Variants in RNF213 observed in about 807,000 individuals in gnomAD.
RNF213 encodes the protein E3 ubiquitin-protein ligase RNF213.
A neutral mutation model predicts 514.4 loss-of-function variants in RNF213; 341 were observed. The ratio of observed to expected loss-of-function variants is 0.66; its 90% CI spans 0.61 to 0.73. RNF213 has a LOEUF of 0.73. Ranked by LOEUF, RNF213 falls within the 30% of genes least tolerant of loss-of-function variation. The pLI is 0.00. For synonymous variants in RNF213, 2,655 were observed against 2,658.2 expected (o/e 1.00, Z 0.04); for missense variants, 5,767 against 6,615.6 (o/e 0.87, Z 4.45).
At chr17:80,379,527 C>A in intron 54 of RNF213, 93 bp from the exon 55 acceptor site, 2 of 1,184,164 alleles carry the variant, frequency 1.7e-6, no homozygotes, top group Admixed American at 3.4e-5. Flanking sequence ...CTCACGTCTG[C>A]CGGTGATAAG....
At chr17:80,291,083 A>G (rs899584684) in intron 7 of RNF213, among the ~76,000 whole-genome samples, 1 of 152,098 alleles carries the variant, frequency 6.6e-6, no homozygotes, top group African/African-American at 2.4e-5. Flanking sequence ...AAGTGCTGGG[A>G]TTACAGGCAT....
Position 80,354,750 on chromosome 17 carries a change from A to C in RNF213, c.10862+174A>C. 3 of 766,404 alleles carry C rather than the reference A, an allele frequency of 3.9e-6. No homozygotes were observed. The South Asian group carries it at 4.8e-5, about 12-fold the overall frequency. The allele number at this position is 766,404 out of a possible 1,614,324, so 47.5% of individuals were successfully genotyped here. A position where few individuals can be genotyped will look rare whatever the true frequency, so the allele number is the denominator to read the frequency against. ...CAAGAAGCACACAGTAGGTCTGGAC[A>C]GTGGCCAAATGGCAGGTGCTGGACT... On this transcript the variant is annotated intron_variant, in intron 36 of 67. Coordinates refer to ENST00000582970, the MANE Select transcript of RNF213 (RefSeq NM_001256071.3).
At chr17:80,273,162 C>T (rs186289981) in intron 2 of RNF213, 79 bp from the exon 3 acceptor site, 34 of 1,569,794 alleles carry the variant, frequency 2.2e-5, no homozygotes, top group Middle Eastern at 1.7e-4. Flanking sequence ...TCCATGCACT[C>T]GTGGGGAGGA....
chr17:80,287,599 C>T (rs1035431880), intron 3 of RNF213, among the ~76,000 whole-genome samples: 3 of 152,212 alleles, frequency 2.0e-5, no homozygotes, highest in Non-Finnish European at 4.4e-5. Flanking sequence ...CCGAGTGTGG[C>T]GAGCGCTTCA....
Position 80,309,134 on chromosome 17 carries a change from A to G in RNF213, c.2618A>G (p.Glu873Gly), listed in dbSNP as rs760507715. The change falls in exon 14 of 68, where the codon GAG (glutamate) becomes GGG (glycine). Residue 873 changes from glutamate (E) to glycine (G), a missense_variant. Transcript: ENST00000582970. ...KFYELPALSA[E>G]IVCRMIRLLS... ...TACGAGCTGCCAGCCTTATCTGCCG[A>G]GATTGTCTGCAGAATGATTAGACTT... 2 of 1,614,162 alleles carry G rather than the reference A, an allele frequency of 1.2e-6. No homozygotes were observed. The highest frequency in any genetic ancestry group is 1.7e-6 in the Non-Finnish European group (2 of 1,180,032).
chr17:80,389,949 G>C (rs1371437182), intron 66 of RNF213, 32 bp downstream of exon 66: 3 of 1,612,412 alleles, frequency 1.9e-6, no homozygotes, highest in African/African-American at 2.7e-5. Flanking sequence ...CTGCTGGACA[G>C]AGGGACTGCG....
chr17:80,353,364 T>C lies in RNF213; in HGVS notation c.10424-148T>C. ...CCTTGGGGGCTGATCTTCATGACCG[T>C]GATCTCTCATCTGGGGACCTAGCAC... On this transcript the variant is annotated intron_variant, in intron 33 of 67. Transcript: ENST00000582970. This position sits in a 1 kb window ranked among gnomAD's most constrained non-coding sequence, Gnocchi z 5.0. The C allele has an allele frequency of 1.1e-6, 1 of 951,988 alleles. No individual in the cohort carries two copies. Among genetic ancestry groups the C allele is most frequent in the Non-Finnish European group, 1.6e-6 (1 of 613,228 alleles). The allele number at this position is 951,988 out of a possible 1,614,324, so 59.0% of individuals were successfully genotyped here.
At chr17:80,388,533 C>T (rs1711825017) in intron 63 of RNF213, 79 bp from the exon 64 acceptor site, 1 of 990,322 alleles carries the variant, frequency 1.0e-6, no homozygotes, top group Non-Finnish European at 1.6e-6. Context: ...AGTTTTCCGG[C>T]TGCAGATTCT....
intron 12 of RNF213, 113 bp downstream of exon 12, chr17:80,306,581 G>T: frequency 2.7e-6 from 3 of 1,091,116 alleles, no homozygotes; most frequent in Admixed American, 4.0e-5. Context: ...GGCTGGGTGC[G>T]GTGGCTCACG....
chr17:80,273,923 A>G (rs1026728409), intron 3 of RNF213, among the ~76,000 whole-genome samples: 3 of 151,776 alleles, frequency 2.0e-5, no homozygotes, highest in Non-Finnish European at 4.4e-5. Context: ...CCCGGCCTCC[A>G]CCTTCCTTTT....
chr17:80,313,313 C>G, intron 15 of RNF213, 146 bp downstream of exon 15: 1 of 1,117,644 alleles, frequency 8.9e-7, no homozygotes, highest in African/African-American at 1.5e-5. Context: ...AATGGAGTTG[C>G]TCCTGTCTAC....
chr17:80,390,094 A>T lies in RNF213; in HGVS notation c.15368A>T (p.Gln5123Leu), dbSNP rs759686715. 3 of 1,614,214 alleles carry T rather than the reference A, an allele frequency of 1.9e-6. No individual in the cohort carries two copies. The highest frequency in any genetic ancestry group is 8.5e-7 in the Non-Finnish European group (1 of 1,180,044). ...NAKLLSTFLNQTGLDAFLLEL... is the reference protein window; with the variant it reads ...NAKLLSTFLNLTGLDAFLLEL... Reference sequence around the variant, plus strand: ...AAGCTCCTCAGCACATTCCTAAATCAGACTGGCCTAGACGCCTTCCTGCTA... The same window carrying T: ...AAGCTCCTCAGCACATTCCTAAATCTGACTGGCCTAGACGCCTTCCTGCTA... Residue 5123 changes from glutamine (Q) to leucine (L), a missense_variant, in exon 67 of 68, where the codon CAG becomes CTG. Around this residue, in one of 13 missense-constraint regions of RNF213, gnomAD observed 1,245 missense variants for 1,339.0 expected, o/e 0.93. Coordinates refer to ENST00000582970, the MANE Select transcript of RNF213 (RefSeq NM_001256071.3).
chr17:80,321,468 A>C (rs193282584), intron 17 of RNF213: 3 of 152,286 alleles, frequency 2.0e-5, no homozygotes. Context: ...TACAAACATT[A>C]GTGTACATAT....
At chr17:80,369,480 C>G in intron 44 of RNF213, 22 bp from the exon 45 acceptor site, 3 of 1,610,074 alleles carry the variant, frequency 1.9e-6, no homozygotes, top group Non-Finnish European at 1.7e-6. Context: ...ATCCACCTGT[C>G]TTCTGTTTCT....
At chr17:80,336,028 A>G in intron 22 of RNF213, 133 bp from the exon 23 acceptor site, 1 of 720,524 alleles carries the variant, frequency 1.4e-6, no homozygotes, top group Non-Finnish European at 2.2e-6. Context: ...CTCTTACTGA[A>G]AGCAGAAAGT....
At position 80,292,622 on chromosome 17, in the gene RNF213, C is replaced by G. The variant is rs370527198; in HGVS notation, c.1471+795C>G. ...CCCTCTGCCCATCTGTCAATAGACG[C>G]GGGCGCTTCCCTTCTCGCAGAGCCC... On this transcript the variant is annotated intron_variant, in intron 8 of 67. Coordinates refer to ENST00000582970, the MANE Select transcript of RNF213 (RefSeq NM_001256071.3). Among the ~76,000 whole-genome samples, 9 of 151,954 alleles carry G rather than the reference C, an allele frequency of 5.9e-5. No individual in the cohort carries two copies. In the East Asian group the frequency reaches 1.2e-3, roughly 20 times the overall value.
Position 80,377,014 on chromosome 17 carries a change from G to A in RNF213, c.13510+51G>A, listed in dbSNP as rs1276542225. 7.1e-7 allele frequency: 1 copy of A among 1,403,346 alleles called. No homozygotes were observed. Among genetic ancestry groups the A allele is most frequent in the South Asian group, 1.2e-5 (1 of 84,962 alleles). 86.9% of individuals were successfully genotyped at this position (1,403,346 alleles called of 1,614,324 possible). On this transcript the variant is annotated intron_variant, in intron 53 of 67. Transcript: ENST00000582970. The surrounding 1 kb of genome is among the most constrained non-coding windows in gnomAD (Gnocchi z 4.1). ...CACACTCCTTTGAGCTTCAAAGGGT[G>A]TCCAGATGCTATGAAGCATTGGGTT...
intron 23 of RNF213, 67 bp downstream of exon 23, chr17:80,336,445 G>A: frequency 2.2e-6 from 3 of 1,379,740 alleles, no homozygotes; most frequent in Non-Finnish European, 3.0e-6. Flanking sequence ...CGTTAGGGCA[G>A]TGACTGTGGA....
chr17:80,363,885 T>A, intron 41 of RNF213, 95 bp downstream of exon 41: 3 of 1,222,522 alleles, frequency 2.5e-6, no homozygotes, highest in Non-Finnish European at 3.5e-6. Flanking sequence ...GACGGGCAGG[T>A]GCTCCTGCCA....
Sources: allele counts gnomAD v4.1 joint callset (sites outside exome capture counted in the v4.1 genomes callset), GRCh38; gene constraint gnomAD v4.1.1; regional missense constraint gnomAD v4.1.1; non-coding constraint Gnocchi (gnomAD v3.1); transcripts MANE v1.5; gene names NCBI Gene and HGNC (gene_info 2026-07-23, HGNC 2026-07-21).